ERC2: variants seen among roughly 807,000 people sequenced by gnomAD.
ERC2 encodes ERC protein 2.
Under a neutral mutation model 114.8 loss-of-function variants are expected in ERC2, and 42 were observed. The ratio of observed to expected loss-of-function variants is 0.37; its 90% CI spans 0.29 to 0.47. The LOEUF (loss-of-function observed/expected upper bound fraction) is 0.47, where lower values mean the gene tolerates loss of function less well. Ranked by LOEUF, ERC2 falls within the 20% of genes least tolerant of loss-of-function variation. The pLI, the probability that ERC2 is intolerant of heterozygous loss-of-function variation, is 0.99. For missense variants in ERC2, 939 were observed against 1,150.7 expected, an observed-to-expected ratio of 0.82 and a Z score of 2.66; for synonymous variants, 454 against 425.5, an observed-to-expected ratio of 1.07 and a Z score of -0.82.
chr3:55,885,068 C>T (rs1559814948), intron 14 of ERC2, among the ~76,000 whole-genome samples: 1 of 152,050 alleles, frequency 6.6e-6, no homozygotes, highest in Non-Finnish European at 1.5e-5. Flanking sequence ...ACGGCCTCAC[C>T]CCTCTTCCCT....
chr3:55,842,339 C>T (rs1312003026), intron 14 of ERC2, among the ~76,000 whole-genome samples: 1 of 152,100 alleles, frequency 6.6e-6, no homozygotes, highest in Non-Finnish European at 1.5e-5. Flanking sequence ...TGCAGATGAG[C>T]TGAGACAAGC....
intron 7 of ERC2, among the ~76,000 whole-genome samples, chr3:56,075,634 G>C (rs1374205020): frequency 1.3e-5 from 2 of 152,164 alleles, no homozygotes; most frequent in Non-Finnish European, 2.9e-5. Flanking sequence ...CAACTAGACT[G>C]TCAGTTTCTT....
At chr3:55,567,067 G>C (rs2056423085) in intron 17 of ERC2, among the ~76,000 whole-genome samples, 1 of 152,220 alleles carries the variant, frequency 6.6e-6, no homozygotes, top group Admixed American at 6.5e-5. Flanking sequence ...GAAATCCAGA[G>C]CGAAATAAGA....
intron 13 of ERC2, among the ~76,000 whole-genome samples, chr3:55,930,286 A>ATACCT (rs2149401105): frequency 6.6e-6 from 1 of 152,326 alleles, no homozygotes; most frequent in African/African-American, 2.4e-5. Flanking sequence ...AGTCTCAGGT[A>ATACCT]GTTTTTTACA....
At chr3:56,281,114 G>A (rs920306448) in intron 3 of ERC2, among the ~76,000 whole-genome samples, 1 of 152,118 alleles carries the variant, frequency 6.6e-6, no homozygotes, top group Non-Finnish European at 1.5e-5. Context: ...TAAATGTATC[G>A]AATACTTCAT....
intron 15 of ERC2, among the ~76,000 whole-genome samples, chr3:55,717,723 C>A (rs1244696228): frequency 6.6e-6 from 1 of 152,150 alleles, no homozygotes; most frequent in Non-Finnish European, 1.5e-5. Context: ...TCTCCTTTCC[C>A]AGAACTATCC....
intron 3 of ERC2, among the ~76,000 whole-genome samples, chr3:56,228,877 C>G (rs968378354): frequency 2.0e-5 from 3 of 152,106 alleles, no homozygotes; most frequent in African/African-American, 7.2e-5. Context: ...TAGATGCCTA[C>G]TTGGGCCGCC....
chr3:55,883,901 C>CAAA (rs1296130830), intron 14 of ERC2, among the ~76,000 whole-genome samples: 27 of 151,362 alleles, frequency 1.8e-4, no homozygotes, highest in African/African-American at 6.1e-4. Flanking sequence ...ACAACAACAA[C>CAAA]AACAACAACA....
intron 6 of ERC2, among the ~76,000 whole-genome samples, chr3:56,085,836 T>G (rs1327838859): frequency 6.6e-6 from 1 of 152,198 alleles, no homozygotes; most frequent in African/African-American, 2.4e-5. Flanking sequence ...TTACTAGGAC[T>G]CAGTGTGATT....
At chr3:56,130,727 T>C (rs1408637042) in intron 6 of ERC2, among the ~76,000 whole-genome samples, 2 of 152,172 alleles carry the variant, frequency 1.3e-5, no homozygotes, top group Non-Finnish European at 2.9e-5. Flanking sequence ...TTTCAATTTC[T>C]CCATCACAGG....
intron 17 of ERC2, among the ~76,000 whole-genome samples, chr3:55,618,341 T>G (rs569720134): frequency 6.6e-6 from 1 of 152,294 alleles, no homozygotes; most frequent in Admixed American, 6.5e-5. Flanking sequence ...ACAATCTTTA[T>G]CAATATTAAT....
At chr3:55,516,059 C>T (rs1454785421) in intron 17 of ERC2, among the ~76,000 whole-genome samples, 1 of 152,204 alleles carries the variant, frequency 6.6e-6, no homozygotes, top group African/African-American at 2.4e-5. Context: ...GACACCCATT[C>T]ACGACGGCTT....
At chr3:56,333,058 C>A (rs914425729) in intron 2 of ERC2, among the ~76,000 whole-genome samples, 1 of 152,186 alleles carries the variant, frequency 6.6e-6, no homozygotes, top group Admixed American at 6.5e-5. Context: ...TTCCAATATG[C>A]AACACGTGGT....
At position 55,509,555 on chromosome 3, in the gene ERC2, T is replaced by C. The variant is rs1319214938; in HGVS notation, c.*1761A>G. 1 of 152,550 alleles carries C rather than the reference T, an allele frequency of 6.6e-6. No individual in the cohort carries two copies. The highest frequency in any genetic ancestry group is 1.5e-5 in the Non-Finnish European group (1 of 68,038). 9.4% of individuals were successfully genotyped at this position (152,550 alleles called of 1,614,324 possible). On this transcript the variant is annotated 3_prime_UTR_variant, in exon 18 of 18. Coordinates refer to ENST00000288221, the MANE Select transcript of ERC2 (RefSeq NM_015576.3). ...GTTTATGCAACACATAAGCATTACA[T>C]AGTTTGTTATACTTACTGATGACAA...
chr3:55,938,508 G>A (rs2066590997), intron 13 of ERC2, among the ~76,000 whole-genome samples: 1 of 152,202 alleles, frequency 6.6e-6, no homozygotes, highest in Non-Finnish European at 1.5e-5. Context: ...AACCTTGCAA[G>A]ATGAGTAAAA....
At chr3:56,458,520 T>C (rs2063165890) in intron 1 of ERC2, among the ~76,000 whole-genome samples, 1 of 152,162 alleles carries the variant, frequency 6.6e-6, no homozygotes, top group African/African-American at 2.4e-5. Flanking sequence ...AGGTGAAGAA[T>C]TCCCCTTGCG....
intron 12 of ERC2, among the ~76,000 whole-genome samples, chr3:55,964,757 A>C (rs1050146550): frequency 3.3e-5 from 5 of 152,260 alleles, no homozygotes; most frequent in Non-Finnish European, 4.4e-5. Flanking sequence ...TGCAATTCTC[A>C]TCTGCAGGCT....
At chr3:55,522,121 TAC>T (rs1290431985) in intron 17 of ERC2, among the ~76,000 whole-genome samples, 1 of 152,214 alleles carries the variant, frequency 6.6e-6, no homozygotes, top group Non-Finnish European at 1.5e-5. Flanking sequence ...TTCAACTTGC[TAC>T]ACACTTCTAT....
chr3:56,361,946 C>T (rs756853294), intron 2 of ERC2, among the ~76,000 whole-genome samples: 10 of 152,192 alleles, frequency 6.6e-5, no homozygotes, highest in Non-Finnish European at 1.3e-4. Context: ...ATGACTCATA[C>T]TTAGGAATCA....
Sources: gnomAD v4.1 joint callset for allele counts (sites outside exome capture counted in the v4.1 genomes callset) on GRCh38, gnomAD v4.1.1 for gene constraint, MANE v1.5 for transcripts, NCBI Gene and HGNC (gene_info 2026-07-23, HGNC 2026-07-21) for gene names.